PCSK2: variants seen among roughly 807,000 people sequenced by gnomAD.
PCSK2 encodes neuroendocrine convertase 2.
Under a neutral mutation model 69.7 loss-of-function variants are expected in PCSK2, and 14 were observed. The observed-to-expected ratio is 0.20, with a 90% CI of 0.13 to 0.31. The LOEUF is 0.31. Among genes scored for constraint, PCSK2 ranks in the 10% least tolerant of loss-of-function variants. The probability of loss-of-function intolerance (pLI) is 1.00; values close to 1 mark genes in which losing one functional copy is unlikely to be tolerated. For missense variants in PCSK2, 544 were observed against 842.5 expected (o/e 0.65, Z 4.39); for synonymous variants, 307 against 320.7 (o/e 0.96, Z 0.46).
chr20:17,287,291 C>A (rs1026260338), intron 2 of PCSK2, among the ~76,000 whole-genome samples: 1 of 152,106 alleles, frequency 6.6e-6, no homozygotes, highest in Admixed American at 6.6e-5. Flanking sequence ...CAATAGACAT[C>A]GAAGGCTACT....
intron 5 of PCSK2, among the ~76,000 whole-genome samples, chr20:17,391,376 T>G (rs1015015966): frequency 6.6e-6 from 1 of 151,962 alleles, no homozygotes; most frequent in Non-Finnish European, 1.5e-5. Context: ...AATGAGGAAA[T>G]AAAACACATG....
chr20:17,324,716 G>A (rs766520137), intron 2 of PCSK2, among the ~76,000 whole-genome samples: 3 of 152,084 alleles, frequency 2.0e-5, no homozygotes, highest in Non-Finnish European at 2.9e-5. Context: ...TGGCCCTCCC[G>A]AAAGACTTAC....
chr20:17,270,860 A>G (rs1027478218), intron 2 of PCSK2, among the ~76,000 whole-genome samples: 1 of 152,108 alleles, frequency 6.6e-6, no homozygotes, highest in Non-Finnish European at 1.5e-5. Context: ...CAATACTTAC[A>G]CTGACACCAA....
At chr20:17,379,513 C>T (rs970511743) in intron 5 of PCSK2, among the ~76,000 whole-genome samples, 4 of 152,256 alleles carry the variant, frequency 2.6e-5, no homozygotes, top group Admixed American at 1.3e-4. Flanking sequence ...GTCAAAGAAT[C>T]ATGAGTACTA....
chr20:17,244,752 C>G (rs1489948890), intron 1 of PCSK2, among the ~76,000 whole-genome samples: 1 of 152,194 alleles, frequency 6.6e-6, no homozygotes, highest in Non-Finnish European at 1.5e-5. Flanking sequence ...AAAACTCTTA[C>G]CATTCACCCA....
intron 8 of PCSK2, among the ~76,000 whole-genome samples, chr20:17,446,307 G>A (rs926384145): frequency 3.3e-5 from 5 of 152,180 alleles, no homozygotes; most frequent in Non-Finnish European, 7.3e-5. Context: ...CAGGGCAACT[G>A]CATCATCCTT....
At chr20:17,359,069 T>A (rs2030304575) in intron 3 of PCSK2, among the ~76,000 whole-genome samples, 1 of 152,176 alleles carries the variant, frequency 6.6e-6, no homozygotes, top group Non-Finnish European at 1.5e-5. Flanking sequence ...TAAAAAGGGA[T>A]CAGTGACTCC....
At chr20:17,281,889 G>A (rs1988328463) in intron 2 of PCSK2, among the ~76,000 whole-genome samples, 1 of 152,160 alleles carries the variant, frequency 6.6e-6, no homozygotes, top group Non-Finnish European at 1.5e-5. Context: ...GGGAATTGCA[G>A]GGAAGCTGCC....
intron 2 of PCSK2, among the ~76,000 whole-genome samples, chr20:17,279,744 G>A (rs541834688): frequency 4.9e-5 from 7 of 142,732 alleles, no homozygotes; most frequent in South Asian, 4.4e-4. Context: ...CCGAGATCGC[G>A]CCACTGCACT....
At chr20:17,234,226 A>G (rs542057824) in intron 1 of PCSK2, among the ~76,000 whole-genome samples, 1 of 152,324 alleles carries the variant, frequency 6.6e-6, no homozygotes, top group Admixed American at 6.5e-5. Flanking sequence ...TTCACAATAT[A>G]CTACCAAACA....
At chr20:17,393,922 G>C (rs1376703614) in intron 5 of PCSK2, among the ~76,000 whole-genome samples, 1 of 152,214 alleles carries the variant, frequency 6.6e-6, no homozygotes, top group Non-Finnish European at 1.5e-5. Context: ...GTAATGGAAA[G>C]CTGAATGTTT....
In PCSK2 at chr20:17,476,682, C is replaced by T. The variant is rs117841307; in HGVS notation, c.1431-4902C>T. On this transcript the variant is annotated intron_variant, in intron 11 of 11. Transcript: ENST00000262545. ...ATTAATAGCTCAGATCATGCAAATA[C>T]TTGCCCACAACTGGACTCGTACTCT... Among the ~76,000 whole-genome samples the T allele has an allele frequency of 2.4e-4, 36 of 152,330 alleles. 1 individual carries two copies. The East Asian group carries it at 6.9e-3, about 29-fold the overall frequency.
intron 1 of PCSK2, among the ~76,000 whole-genome samples, chr20:17,251,742 C>T (rs375524876): frequency 3.3e-5 from 5 of 152,134 alleles, no homozygotes; most frequent in Admixed American, 6.5e-5. Flanking sequence ...TTTTATTATA[C>T]TCATGAATGT....
intron 5 of PCSK2, among the ~76,000 whole-genome samples, chr20:17,387,054 G>A (rs1350044938): frequency 6.6e-6 from 1 of 152,180 alleles, no homozygotes; most frequent in Non-Finnish European, 1.5e-5. Flanking sequence ...TAATAGGAAT[G>A]GCACCAATAA....
chr20:17,278,034 C>A (rs1461134704), intron 2 of PCSK2, among the ~76,000 whole-genome samples: 1 of 152,072 alleles, frequency 6.6e-6, no homozygotes, highest in Non-Finnish European at 1.5e-5. Flanking sequence ...CATCTCACAC[C>A]AGTTAGAATG....
chr20:17,452,262 T>C (rs1307153948), intron 8 of PCSK2, among the ~76,000 whole-genome samples: 1 of 142,174 alleles, frequency 7.0e-6, no homozygotes, highest in East Asian at 2.1e-4. Flanking sequence ...TAGGGATATC[T>C]ATTTCCCTCG....
chr20:17,465,617 T>C, intron 11 of PCSK2, 64 bp downstream of exon 11: 1 of 972,482 alleles, frequency 1.0e-6, no homozygotes, highest in South Asian at 1.6e-5. Flanking sequence ...CTCCATGGCA[T>C]TGGCATAATA....
At chr20:17,251,107 G>C (rs1266578400) in intron 1 of PCSK2, among the ~76,000 whole-genome samples, 2 of 151,508 alleles carry the variant, frequency 1.3e-5, no homozygotes, top group Non-Finnish European at 2.9e-5. Flanking sequence ...AAAATTAAAA[G>C]TAAAAAAAAA....
intron 2 of PCSK2, among the ~76,000 whole-genome samples, chr20:17,334,389 C>T (rs77358228): frequency 1.3e-5 from 2 of 152,124 alleles, no homozygotes; most frequent in African/African-American, 4.8e-5. Flanking sequence ...AATCAGAAAA[C>T]AGTGGGTTAA....
Sources: gnomAD v4.1 joint callset for allele counts (sites outside exome capture counted in the v4.1 genomes callset) on GRCh38, gnomAD v4.1.1 for gene constraint, MANE v1.5 for transcripts, NCBI Gene and HGNC (gene_info 2026-07-23, HGNC 2026-07-21) for gene names.